The following ENOX1 variants were observed in gnomAD, a reference collection of about 807,000 sequenced individuals.
ENOX1 encodes the protein candidate growth-related and time keeping constitutive hydroquinone (NADH) oxidase.
Under a neutral mutation model 82.5 loss-of-function variants are expected in ENOX1, and 42 were observed. The observed-to-expected ratio is 0.51, with a 90% CI of 0.40 to 0.66. The LOEUF is 0.66. Among genes scored for constraint, ENOX1 ranks in the 30% least tolerant of loss-of-function variants. The pLI is 0.00. For missense variants in ENOX1, 608 were observed against 811.6 expected (o/e 0.75, Z 3.05); for synonymous variants, 271 against 282.2 (o/e 0.96, Z 0.40).
At chr13:43,341,673 G>T (rs1437933464) in intron 9 of ENOX1, among the ~76,000 whole-genome samples, 1 of 152,204 alleles carries the variant, frequency 6.6e-6, no homozygotes, top group Non-Finnish European at 1.5e-5. Flanking sequence ...CAGATGGAAT[G>T]TGAAAATAAA....
chr13:43,665,066 C>T (rs1265258750), intron 2 of ENOX1, among the ~76,000 whole-genome samples: 1 of 152,166 alleles, frequency 6.6e-6, no homozygotes, highest in Non-Finnish European at 1.5e-5. Flanking sequence ...CCCACACAGT[C>T]AATCTCTAGA....
chr13:43,609,992 C>CT, intron 2 of ENOX1: 1 of 725,404 alleles, frequency 1.4e-6, no homozygotes, highest in Non-Finnish European at 1.7e-6. Context: ...AAATAACTTC[C>CT]TATTTTCCCA....
rs1027799088 is a variant in ENOX1 at position 43,278,549 on chromosome 13, T to C, written c.1447-8972A>G. Among the ~76,000 whole-genome samples, 8 of 152,250 alleles carry C rather than the reference T, an allele frequency of 5.3e-5. No homozygotes were observed. The South Asian group carries it at 1.2e-3, about 24-fold the overall frequency. ...GTTGGCAAGTGAAAATTTTAGTTCA[T>C]ATGTGAAATATGTTTACGTTTCAGT... On this transcript the variant is annotated intron_variant, in intron 12 of 16. Transcript: ENST00000690772.
chr13:43,497,677 A>C (rs1250737135), intron 2 of ENOX1, among the ~76,000 whole-genome samples: 1 of 152,134 alleles, frequency 6.6e-6, no homozygotes, highest in African/African-American at 2.4e-5. Context: ...TATGATCATA[A>C]GGCATATCGA....
intron 1 of ENOX1, among the ~76,000 whole-genome samples, chr13:43,685,921 T>C (rs1184747775): frequency 3.8e-5 from 5 of 131,322 alleles, no homozygotes; most frequent in East Asian, 2.1e-4. Context: ...CACTACATGG[T>C]TGAAACACTC....
chr13:43,219,773 A>C (rs763768872), intron 16 of ENOX1, among the ~76,000 whole-genome samples: 6 of 152,200 alleles, frequency 3.9e-5, no homozygotes, highest in Non-Finnish European at 8.8e-5. Context: ...ACACAAGCAG[A>C]TGCAAATCAA....
At chr13:43,238,267 C>G (rs911519395) in intron 14 of ENOX1, among the ~76,000 whole-genome samples, 1 of 152,098 alleles carries the variant, frequency 6.6e-6, no homozygotes, top group Non-Finnish European at 1.5e-5. Flanking sequence ...TGGGAGCAAG[C>G]CTCAATGGAA....
At chr13:43,441,833 A>G (rs1464668803) in intron 3 of ENOX1, among the ~76,000 whole-genome samples, 1 of 152,094 alleles carries the variant, frequency 6.6e-6, no homozygotes, top group African/African-American at 2.4e-5. Context: ...TAGGAGCAAG[A>G]AAGAACACTT....
Position 43,379,354 on chromosome 13 carries a change from AAAAT to A in ENOX1, c.209-17906_209-17903del, listed in dbSNP as rs1226839469. Among the ~76,000 whole-genome samples the A allele has an allele frequency of 5.9e-5, 9 of 152,286 alleles. No homozygotes were observed. In the East Asian group the frequency reaches 9.6e-4, roughly 16 times the overall value. ...GAGAAAAATAAAACAGTAGAACAAA[AAAAT>A]AAATAACACATAGATGACAGAATTC... On this transcript the variant is annotated intron_variant, in intron 5 of 16. Transcript: ENST00000690772.
Position 43,356,036 on chromosome 13 carries a change from C to A in ENOX1, c.706G>T (p.Ala236Ser), listed in dbSNP as rs929466583. The change falls in exon 8 of 17, where the codon GCC (alanine) becomes TCC (serine). Residue 236 changes from alanine (A) to serine (S), a missense_variant. Transcript: ENST00000690772. ...YEWECKQRMR[A>S]REERHRRKLE... is the part of the protein sequence containing the mutation. ...TTGCGCCGGTGCCGCTCCTCCCGGG[C>A]ACGCATCCTCTGCTTGCATTCCCAC... 16 of 1,614,066 alleles carry A rather than the reference C, an allele frequency of 9.9e-6. No homozygotes were observed. The highest frequency in any genetic ancestry group is 1.3e-5 in the African/African-American group (1 of 74,944).
At chr13:43,696,347 G>A (rs1292896835) in intron 1 of ENOX1, among the ~76,000 whole-genome samples, 1 of 152,152 alleles carries the variant, frequency 6.6e-6, no homozygotes, top group African/African-American at 2.4e-5. Flanking sequence ...GTAACTCTAC[G>A]TTTAACCTTT....
At chr13:43,372,942 CAA>C (rs71099832) in intron 5 of ENOX1, among the ~76,000 whole-genome samples, 2 of 144,496 alleles carry the variant, frequency 1.4e-5, no homozygotes, top group Non-Finnish European at 3.1e-5. Flanking sequence ...TCTTCATCTG[CAA>C]AAAAAAAAGG....
intron 12 of ENOX1, among the ~76,000 whole-genome samples, chr13:43,281,123 A>AC (rs1295649749): frequency 6.6e-6 from 1 of 152,120 alleles, no homozygotes; most frequent in East Asian, 1.9e-4. Flanking sequence ...GCTTTCAACC[A>AC]CCTATAGCAA....
At chr13:43,620,181 T>C (rs927295011) in intron 2 of ENOX1, among the ~76,000 whole-genome samples, 1 of 152,118 alleles carries the variant, frequency 6.6e-6, no homozygotes, top group Non-Finnish European at 1.5e-5. Flanking sequence ...TCAACTTTAT[T>C]TATCTTTTCA....
intron 3 of ENOX1, among the ~76,000 whole-genome samples, chr13:43,471,825 A>G (rs1387938045): frequency 4.6e-5 from 7 of 151,524 alleles, no homozygotes; most frequent in Non-Finnish European, 8.8e-5. Context: ...AAAAAAAAAA[A>G]AAAAGAAAGA....
At chr13:43,398,557 T>G (rs968568144) in intron 5 of ENOX1, among the ~76,000 whole-genome samples, 2 of 152,118 alleles carry the variant, frequency 1.3e-5, no homozygotes, top group Non-Finnish European at 2.9e-5. Context: ...TGTTTGAATT[T>G]TGAAGGTCCA....
chr13:43,687,701 A>G (rs2153801537), intron 1 of ENOX1, among the ~76,000 whole-genome samples: 1 of 152,290 alleles, frequency 6.6e-6, no homozygotes, highest in African/African-American at 2.4e-5. Flanking sequence ...GATATTCAGC[A>G]AGACTCAGTA....
chr13:43,594,883 C>T (rs1462709427), intron 2 of ENOX1, among the ~76,000 whole-genome samples: 2 of 152,068 alleles, frequency 1.3e-5, no homozygotes, highest in Non-Finnish European at 2.9e-5. Context: ...TGATGAACAG[C>T]CTCCAGTTGC....
intron 3 of ENOX1, among the ~76,000 whole-genome samples, chr13:43,463,964 A>C (rs2153639769): frequency 6.6e-6 from 1 of 152,352 alleles, no homozygotes; most frequent in Middle Eastern, 3.4e-3. Context: ...GAGACGAATG[A>C]CATCTCCTTA....
Sources: allele counts gnomAD v4.1 joint callset (sites outside exome capture counted in the v4.1 genomes callset), GRCh38; gene constraint gnomAD v4.1.1; transcripts MANE v1.5; gene names NCBI Gene and HGNC (gene_info 2026-07-23, HGNC 2026-07-21).